Variants in RGS21 observed in about 807,000 individuals in gnomAD.
The protein encoded by RGS21 is regulator of G-protein signalling 21.
Under a neutral mutation model 18.7 loss-of-function variants are expected in RGS21, and 19 were observed. The ratio of observed to expected loss-of-function variants is 1.01; its 90% confidence interval spans 0.71 to 1.49. RGS21 has a LOEUF of 1.49. RGS21 is among the 40% of genes most tolerant of loss of function. The pLI, the probability that RGS21 is intolerant of heterozygous loss-of-function variation, is 0.00. For synonymous variants in RGS21, 56 were observed against 57.8 expected (o/e 0.97, Z 0.14); for missense variants, 194 against 176.8 (o/e 1.10, Z -0.55).
At chr1:192,329,622 T>C (rs1415398472) in intron 1 of RGS21, among the ~76,000 whole-genome samples, 3 of 152,152 alleles carry the variant, frequency 2.0e-5, no homozygotes, top group African/African-American at 7.2e-5. Context: ...GTTTCATAGA[T>C]TCTATGAAGA....
intron 2 of RGS21, among the ~76,000 whole-genome samples, chr1:192,343,669 A>C (rs191408625): frequency 1.1e-3 from 168 of 152,250 alleles, no homozygotes; most frequent in African/African-American, 3.9e-3. Flanking sequence ...AGAAAATAGA[A>C]AGGAAATCAG....
rs747216864 is a variant in RGS21, at chr1:192,352,105, G to A, written c.147G>A (p.Glu49=). ...LKSEFSEENV[E]FWLACEDFKK... ...CAGAGTTTAGTGAAGAAAATGTTGA[G>A]TTCTGGCTTGCCTGTGAAGACTTTA... is the stretch of plus-strand genomic sequence containing the variant. The change falls in exon 4 of 5, where the codon GAG becomes GAA. Residue 49 remains glutamate, a synonymous_variant. Coordinates refer to ENST00000417209, the MANE Select transcript of RGS21 (RefSeq NM_001039152.3). 2.5e-6 allele frequency: 4 copies of A among 1,610,022 alleles called. No individual in the cohort carries two copies. Among genetic ancestry groups the A allele is most frequent in the Non-Finnish European group, 3.4e-6 (4 of 1,178,094 alleles).
intron 1 of RGS21, among the ~76,000 whole-genome samples, chr1:192,332,196 A>G (rs887131939): frequency 6.6e-6 from 1 of 152,144 alleles, no homozygotes; most frequent in African/African-American, 2.4e-5. Context: ...AGATAAATCA[A>G]CTCAGTAAAT....
chr1:192,354,766 C>T (rs1659089529), intron 4 of RGS21, among the ~76,000 whole-genome samples: 2 of 151,540 alleles, frequency 1.3e-5, no homozygotes, highest in Admixed American at 1.3e-4. Flanking sequence ...ACAACAAGGT[C>T]ATATTACTCA....
At chr1:192,330,336 A>G (rs1215225925) in intron 1 of RGS21, among the ~76,000 whole-genome samples, 2 of 152,212 alleles carry the variant, frequency 1.3e-5, no homozygotes, top group Non-Finnish European at 2.9e-5. Flanking sequence ...AATCAATTCC[A>G]GAGGGAGTTT....
At chr1:192,325,579 T>A (rs1205088337) in intron 1 of RGS21, among the ~76,000 whole-genome samples, 1 of 152,054 alleles carries the variant, frequency 6.6e-6, no homozygotes, top group Non-Finnish European at 1.5e-5. Flanking sequence ...CACCAGTGTA[T>A]AAGTGTTCCC....
chr1:192,323,098 C>T (rs991492236), intron 1 of RGS21, among the ~76,000 whole-genome samples: 1 of 152,082 alleles, frequency 6.6e-6, no homozygotes, highest in Non-Finnish European at 1.5e-5. Context: ...TTAAAAGAGA[C>T]TTCATTGTAT....
At chr1:192,351,958 T>A in intron 3 of RGS21, 89 bp from the exon 4 acceptor site, 1 of 674,612 alleles carries the variant, frequency 1.5e-6, no homozygotes, top group Non-Finnish European at 2.4e-6. Context: ...GAATATCCAG[T>A]AAATGCTCAT....
chr1:192,354,226 A>AG (rs1420280021), intron 4 of RGS21, among the ~76,000 whole-genome samples: 1 of 151,788 alleles, frequency 6.6e-6, no homozygotes, highest in Admixed American at 6.6e-5. Flanking sequence ...TAATAAAACT[A>AG]GTCAAATACA....
intron 1 of RGS21, among the ~76,000 whole-genome samples, chr1:192,336,419 C>T (rs1021845915): frequency 4.1e-4 from 63 of 152,232 alleles, no homozygotes; most frequent in African/African-American, 1.4e-3. Context: ...CGTGCTATTG[C>T]ACTCAGCATG....
intron 1 of RGS21, among the ~76,000 whole-genome samples, chr1:192,336,934 T>C (rs1658776759): frequency 6.6e-6 from 1 of 152,140 alleles, no homozygotes; most frequent in African/African-American, 2.4e-5. Context: ...TTCAGAATAG[T>C]TTATAAATAG....
chr1:192,318,624 T>C (rs1431731894), intron 1 of RGS21, among the ~76,000 whole-genome samples: 1 of 152,158 alleles, frequency 6.6e-6, no homozygotes, highest in African/African-American at 2.4e-5. Flanking sequence ...TGGCTTAGTC[T>C]GTCTTTATTG....
chr1:192,329,918 A>G (rs764794417), intron 1 of RGS21, among the ~76,000 whole-genome samples: 1 of 152,192 alleles, frequency 6.6e-6, no homozygotes, highest in Non-Finnish European at 1.5e-5. Context: ...CATCTTTTAT[A>G]CTTGTTTATA....
Position 192,342,962 on chromosome 1 carries a change from T to A in RGS21, c.-60-15T>A. On this transcript the variant is annotated splice_polypyrimidine_tract_variant and intron_variant, in intron 1 of 4. Coordinates refer to ENST00000417209, the MANE Select transcript of RGS21 (RefSeq NM_001039152.3). ...CATACTAATTGTAATGTTCCTGCTG[T>A]CACATTACCTTCAGCTTGAAGATCA... The A allele has an allele frequency of 7.0e-7, 1 of 1,433,574 alleles. No homozygotes were observed. Among genetic ancestry groups the A allele is most frequent in the Non-Finnish European group, 9.8e-7 (1 of 1,015,632 alleles). 88.8% of individuals were successfully genotyped at this position (1,433,574 alleles called of 1,614,324 possible). A position where few individuals can be genotyped will look rare whatever the true frequency, so the allele number is the denominator to read the frequency against.
At chr1:192,344,770 G>C (rs912659387) in intron 2 of RGS21, among the ~76,000 whole-genome samples, 1 of 151,978 alleles carries the variant, frequency 6.6e-6, no homozygotes, top group Non-Finnish European at 1.5e-5. Context: ...TTCTGGATAA[G>C]AAATAGGCTA....
intron 1 of RGS21, among the ~76,000 whole-genome samples, chr1:192,324,991 G>A (rs74130605): frequency 0.047 from 7,070 of 152,018 alleles, 362 homozygotes; most frequent in African/African-American, 0.12. Context: ...TCTTCTCTCC[G>A]TTTTTAATTT....
intron 2 of RGS21, among the ~76,000 whole-genome samples, chr1:192,345,777 CA>C (rs1658936421): frequency 2.0e-5 from 3 of 152,030 alleles, no homozygotes; most frequent in Admixed American, 2.0e-4. Context: ...TTTTAGTATA[CA>C]AACAGGAATA....
intron 1 of RGS21, among the ~76,000 whole-genome samples, chr1:192,339,811 T>G (rs1658830450): frequency 6.6e-6 from 1 of 152,150 alleles, no homozygotes; most frequent in South Asian, 2.1e-4. Context: ...CCCAAAAATA[T>G]TATAGCTCTA....
intron 4 of RGS21, among the ~76,000 whole-genome samples, chr1:192,363,575 A>C (rs892744361): frequency 2.0e-5 from 3 of 152,140 alleles, no homozygotes; most frequent in African/African-American, 4.8e-5. Context: ...TCCCACTATG[A>C]GGCAAACACT....
Sources: allele counts gnomAD v4.1 joint callset (sites outside exome capture counted in the v4.1 genomes callset), GRCh38; gene constraint gnomAD v4.1.1; transcripts MANE v1.5; gene names NCBI Gene and HGNC (gene_info 2026-07-23, HGNC 2026-07-21).